SHC3: variants seen among roughly 807,000 people sequenced by gnomAD.
SHC3 encodes the protein SHC-transforming protein 3.
SHC3 carries 15 observed loss-of-function variants against 60.4 expected under a neutral mutation model. That is an observed-to-expected ratio of 0.25 (90% CI 0.17 to 0.38). SHC3 has a LOEUF of 0.38. Ranked by LOEUF, SHC3 falls within the 10% of genes least tolerant of loss-of-function variation. The pLI, the probability that SHC3 is intolerant of heterozygous loss-of-function variation, is 1.00. For synonymous variants in SHC3, 294 were observed against 325.9 expected (o/e 0.90, Z 1.05); for missense variants, 677 against 786.1 (o/e 0.86, Z 1.66).
chr9:89,093,425 T>C (rs1825654743), intron 2 of SHC3, among the ~76,000 whole-genome samples: 1 of 152,120 alleles, frequency 6.6e-6, no homozygotes, highest in South Asian at 2.1e-4. Context: ...ACTGCATGGA[T>C]GAAGCAATCA....
At chr9:89,160,554 AT>A (rs1826689723) in intron 1 of SHC3, among the ~76,000 whole-genome samples, 1 of 152,090 alleles carries the variant, frequency 6.6e-6, no homozygotes, top group Non-Finnish European at 1.5e-5. Context: ...TGATCCATTC[AT>A]TTCCCCCTTT....
chr9:89,047,967 C>T (rs568437559), intron 7 of SHC3, among the ~76,000 whole-genome samples: 4 of 152,200 alleles, frequency 2.6e-5, no homozygotes, highest in Admixed American at 6.5e-5. Flanking sequence ...AAGGTAGGGC[C>T]GGGCGCAGTG....
chr9:89,064,770 C>T (rs1483483475), intron 6 of SHC3, among the ~76,000 whole-genome samples: 1 of 152,060 alleles, frequency 6.6e-6, no homozygotes, highest in East Asian at 1.9e-4. Context: ...ATTAGGATCT[C>T]ATTTGTATGA....
intron 1 of SHC3, among the ~76,000 whole-genome samples, chr9:89,155,312 C>T (rs1270813846): frequency 6.6e-6 from 1 of 152,160 alleles, no homozygotes; most frequent in Non-Finnish European, 1.5e-5. Flanking sequence ...CCTTAATTCC[C>T]GGAGCCGGCT....
chr9:89,016,572 C>T (rs1375244989), intron 11 of SHC3, among the ~76,000 whole-genome samples: 1 of 152,110 alleles, frequency 6.6e-6, no homozygotes, highest in Non-Finnish European at 1.5e-5. Context: ...TAGATGGGTT[C>T]ACTAGTGAAT....
intron 11 of SHC3, among the ~76,000 whole-genome samples, chr9:89,028,818 TA>T (rs1004183241): frequency 1.4e-5 from 2 of 146,824 alleles, no homozygotes; most frequent in Non-Finnish European, 3.0e-5. Flanking sequence ...TATCTATATA[TA>T]GCATATATAT....
chr9:89,133,250 G>C (rs965859063), intron 1 of SHC3, among the ~76,000 whole-genome samples: 6 of 152,164 alleles, frequency 3.9e-5, no homozygotes, highest in African/African-American at 1.4e-4. Context: ...TCATTAAAAA[G>C]TCAGGAAACA....
In SHC3 at chr9:89,160,043, G is replaced by A. The variant is rs766780285; in HGVS notation, c.474+17944C>T. Among the ~76,000 whole-genome samples the A allele has an allele frequency of 3.9e-5, 6 of 152,198 alleles. No individual in the cohort carries two copies. In the East Asian group the frequency reaches 5.8e-4, roughly 15 times the overall value. ...TCACTTCATCTAATAGGGAAATCCC[G>A]GCCATGGGAGGACTTCGCACAGACC... On this transcript the variant is annotated intron_variant, in intron 1 of 11. Coordinates refer to ENST00000375835, the MANE Select transcript of SHC3 (RefSeq NM_016848.6).
intron 1 of SHC3, among the ~76,000 whole-genome samples, chr9:89,145,272 T>G (rs1019298765): frequency 6.6e-6 from 1 of 152,204 alleles, no homozygotes; most frequent in Admixed American, 6.5e-5. Flanking sequence ...ACTGACGCAT[T>G]AGCACAGAGA....
chr9:89,085,074 C>T (rs1252307375), intron 2 of SHC3, among the ~76,000 whole-genome samples: 2 of 152,208 alleles, frequency 1.3e-5, no homozygotes, highest in Non-Finnish European at 2.9e-5. Context: ...ATTCCTTAGT[C>T]GTAAAGCATG....
chr9:89,088,148 A>G (rs1825562549), intron 2 of SHC3, among the ~76,000 whole-genome samples: 1 of 152,178 alleles, frequency 6.6e-6, no homozygotes. Flanking sequence ...GCTACCTGGA[A>G]GCTTCATCTA....
chr9:89,144,981 GA>G (rs1826447787), intron 1 of SHC3, among the ~76,000 whole-genome samples: 1 of 152,124 alleles, frequency 6.6e-6, no homozygotes, highest in Admixed American at 6.5e-5. Flanking sequence ...AGGAAATCAA[GA>G]AGGAAATACA....
intron 1 of SHC3, among the ~76,000 whole-genome samples, chr9:89,160,053 G>A (rs1826681531): frequency 1.3e-5 from 2 of 152,220 alleles, no homozygotes; most frequent in African/African-American, 4.8e-5. Flanking sequence ...GGCCATGGGA[G>A]GACTTCGCAC....
In SHC3 at chr9:89,112,623, A is replaced by G. The variant is rs757562433; in HGVS notation, c.478T>C (p.Leu160=). ...GPGVTYVVKY[L]GCIEVLRSMR... The stretch of plus-strand genomic sequence containing the variant: ...GAGCGCAGAACTTCAATGCACCCCA[A>G]GTACTGCAAGGGGAAAAAATGTAAA... Residue 160 remains leucine (L), a synonymous_variant, in exon 2 of 12, where the codon TTG becomes CTG. Coordinates refer to ENST00000375835, the MANE Select transcript of SHC3 (RefSeq NM_016848.6). The G allele has an allele frequency of 1.9e-6, 3 of 1,588,350 alleles. No individual in the cohort carries two copies. Among genetic ancestry groups the G allele is most frequent in the Non-Finnish European group, 1.7e-6 (2 of 1,169,774 alleles).
chr9:89,166,075 G>A (rs1826784682), intron 1 of SHC3, among the ~76,000 whole-genome samples: 2 of 152,158 alleles, frequency 1.3e-5, no homozygotes, highest in Admixed American at 6.5e-5. Flanking sequence ...CAGCCACGCA[G>A]GCGCACTCTG....
At chr9:89,051,778 G>A (rs1441699960) in intron 7 of SHC3, among the ~76,000 whole-genome samples, 1 of 152,186 alleles carries the variant, frequency 6.6e-6, no homozygotes, top group Non-Finnish European at 1.5e-5. Context: ...TTATAATGAA[G>A]TCGCTTTTCT....
intron 6 of SHC3, among the ~76,000 whole-genome samples, chr9:89,061,199 T>G (rs1825084026): frequency 6.6e-6 from 1 of 152,152 alleles, no homozygotes; most frequent in Non-Finnish European, 1.5e-5. Flanking sequence ...GATGGCATAT[T>G]TAACCACCTG....
chr9:89,064,851 A>G (rs2117976872), intron 6 of SHC3, among the ~76,000 whole-genome samples: 1 of 151,214 alleles, frequency 6.6e-6, no homozygotes, highest in Middle Eastern at 3.4e-3. Flanking sequence ...CTTAGTTGGT[A>G]CCTGGGGTAG....
At chr9:89,158,710 G>A (rs1216771158) in intron 1 of SHC3, among the ~76,000 whole-genome samples, 7 of 152,196 alleles carry the variant, frequency 4.6e-5, no homozygotes, top group Admixed American at 4.6e-4. Context: ...ACAAGGATGG[G>A]TTCATACACA....
Sources: allele counts gnomAD v4.1 joint callset (sites outside exome capture counted in the v4.1 genomes callset), GRCh38; gene constraint gnomAD v4.1.1; transcripts MANE v1.5; gene names NCBI Gene and HGNC (gene_info 2026-07-23, HGNC 2026-07-21).